HSPA4L: variants seen among roughly 807,000 people sequenced by gnomAD.
HSPA4L encodes the protein heat shock 70 kDa protein 4L.
HSPA4L carries 48 observed loss-of-function variants against 100.3 expected under a neutral mutation model. The ratio of observed to expected loss-of-function variants is 0.48; its 90% CI spans 0.38 to 0.61. The LOEUF (loss-of-function observed/expected upper bound fraction) is 0.61, where lower values mean the gene tolerates loss of function less well. Ranked by LOEUF, HSPA4L falls within the 20% of genes least tolerant of loss-of-function variation. HSPA4L has a pLI of 0.00. For missense variants in HSPA4L, 886 were observed against 988.6 expected (o/e 0.90, Z 1.39); for synonymous variants, 319 against 328.2 (o/e 0.97, Z 0.30).
chr4:127,819,921 T>G (rs1480790333), intron 13 of HSPA4L, among the ~76,000 whole-genome samples: 1 of 152,180 alleles, frequency 6.6e-6, no homozygotes, highest in Non-Finnish European at 1.5e-5. Flanking sequence ...ATGATTGTTA[T>G]GAACAATCAT....
intron 10 of HSPA4L, among the ~76,000 whole-genome samples, chr4:127,807,551 T>C (rs1182759107): frequency 6.6e-6 from 1 of 152,092 alleles, no homozygotes; most frequent in Non-Finnish European, 1.5e-5. Flanking sequence ...GTAAAAGATA[T>C]ACAAGTGTTC....
intron 1 of HSPA4L, among the ~76,000 whole-genome samples, chr4:127,785,082 G>A (rs900575879): frequency 3.3e-5 from 5 of 152,128 alleles, no homozygotes; most frequent in Admixed American, 3.3e-4. Flanking sequence ...AACCAAGAAG[G>A]ACAGTTTAAT....
chr4:127,808,181 G>A, intron 11 of HSPA4L, 52 bp downstream of exon 11: 3 of 1,429,454 alleles, frequency 2.1e-6, no homozygotes, highest in Non-Finnish European at 2.9e-6. Flanking sequence ...TAAATAATGT[G>A]TTATTTTAGA....
chr4:127,804,234 T>G, intron 8 of HSPA4L, 147 bp downstream of exon 8: 1 of 633,996 alleles, frequency 1.6e-6, no homozygotes, highest in Middle Eastern at 3.9e-4. Flanking sequence ...TAACTCATTA[T>G]TCATAAGAGT....
chr4:127,816,788 A>C (rs978792887), intron 12 of HSPA4L, among the ~76,000 whole-genome samples: 11 of 152,236 alleles, frequency 7.2e-5, no homozygotes, highest in African/African-American at 2.4e-4. Context: ...GAAGAGTTGG[A>C]TTCTGAATGT....
At chr4:127,820,063 G>A (rs1456928090) in intron 13 of HSPA4L, among the ~76,000 whole-genome samples, 2 of 152,000 alleles carry the variant, frequency 1.3e-5, no homozygotes, top group Non-Finnish European at 1.5e-5. Flanking sequence ...AACATTTTGA[G>A]GAACTTCCCA....
At chr4:127,803,508 A>T (rs1280487767) in intron 6 of HSPA4L, 121 bp from the exon 7 acceptor site, 2 of 933,516 alleles carry the variant, frequency 2.1e-6, no homozygotes, top group East Asian at 2.7e-5. Context: ...CACCCCTGTG[A>T]TTGGACAAGT....
chr4:127,820,285 C>A, intron 13 of HSPA4L, 143 bp from the exon 14 acceptor site: 1 of 627,424 alleles, frequency 1.6e-6, no homozygotes, highest in Non-Finnish European at 2.4e-6. Context: ...CATACACAGA[C>A]TACAAAATAA....
At position 127,788,784 on chromosome 4, in the gene HSPA4L, C is replaced by T. The variant is rs183049394; in HGVS notation, c.108-5293C>T. Among the ~76,000 whole-genome samples the T allele has an allele frequency of 3.3e-3, 501 of 152,248 alleles. 5 individuals carry two copies. Among genetic ancestry groups the T allele is most frequent in the Non-Finnish European group, 5.9e-3 (398 of 68,012 alleles). On this transcript the variant is annotated intron_variant, in intron 1 of 18. Transcript: ENST00000296464. ...TATCCGACAGTGCATTACAGTACAGCCCCAGTGACCCAACAAAGAATTATC... is the reference window on the plus strand; with the variant it reads ...TATCCGACAGTGCATTACAGTACAGTCCCAGTGACCCAACAAAGAATTATC...
intron 8 of HSPA4L, 113 bp from the exon 9 acceptor site, chr4:127,804,960 T>C: frequency 1.6e-6 from 1 of 618,948 alleles, no homozygotes; most frequent in Non-Finnish European, 2.7e-6. Flanking sequence ...TTTTCTTCCC[T>C]TTTATTTTCT....
Position 127,822,802 on chromosome 4 carries a change from GA to G in HSPA4L, c.1849del (p.Arg617GlufsTer32). Reference protein sequence around the residue: ...KMIMQDKLEKERNDAKNAVEE... With the variant: ...KMIMQDKLEKXRNDAKNAVEE... The stretch of plus-strand genomic sequence containing the variant: ...GATCATGCAAGATAAGTTAGAGAAA[GA>G]AAGAAATGATGCTAAGAATGCCGTT... On this transcript the variant is annotated frameshift_variant, in exon 15 of 19. Coordinates refer to ENST00000296464, the MANE Select transcript of HSPA4L (RefSeq NM_014278.4). LOFTEE classifies it high-confidence loss of function. The G allele has an allele frequency of 6.2e-7, 1 of 1,613,782 alleles. No homozygotes were observed. Among genetic ancestry groups the G allele is most frequent in the Non-Finnish European group, 8.5e-7 (1 of 1,179,842 alleles).
At chr4:127,799,429 C>T (rs939730395) in intron 4 of HSPA4L, among the ~76,000 whole-genome samples, 52 of 152,130 alleles carry the variant, frequency 3.4e-4, no homozygotes, top group African/African-American at 1.3e-3. Flanking sequence ...CCCATTTAAT[C>T]TCAGAAGCAA....
intron 1 of HSPA4L, among the ~76,000 whole-genome samples, chr4:127,793,505 T>C (rs971092891): frequency 6.6e-6 from 1 of 152,224 alleles, no homozygotes; most frequent in African/African-American, 2.4e-5. Context: ...TATTCTGTGC[T>C]TGCTCTGTGT....
chr4:127,787,748 C>T (rs1732757253), intron 1 of HSPA4L, among the ~76,000 whole-genome samples: 2 of 151,818 alleles, frequency 1.3e-5, no homozygotes, highest in African/African-American at 4.8e-5. Flanking sequence ...TATAAAAATT[C>T]AGTGAATACC....
rs1397329159 is a variant in HSPA4L at position 127,838,751 on chromosome 4, A to C, written c.*5877A>C. On this transcript the variant is annotated 3_prime_UTR_variant, in exon 19 of 19. Transcript: ENST00000296464. ...TCCAATTCTAGACTCTTAAATAATC[A>C]CTGTATTTTTCTCAAGTATTTGTTA... The C allele has an allele frequency of 2.0e-5, 3 of 152,084 alleles. No individual in the cohort carries two copies. Among genetic ancestry groups the C allele is most frequent in the Non-Finnish European group, 4.4e-5 (3 of 67,998 alleles). 9.4% of individuals were successfully genotyped at this position (152,084 alleles called of 1,614,324 possible). A position where few individuals can be genotyped will look rare whatever the true frequency, so the allele number is the denominator to read the frequency against.
chr4:127,816,140 G>C (rs986571469), intron 12 of HSPA4L, among the ~76,000 whole-genome samples: 1 of 152,090 alleles, frequency 6.6e-6, no homozygotes, highest in Admixed American at 6.5e-5. Context: ...TGTTTCTTAA[G>C]TGCTTTATGT....
At chr4:127,809,456 AC>A in intron 11 of HSPA4L, 1 of 1,194,212 alleles carries the variant, frequency 8.4e-7, no homozygotes, top group South Asian at 1.2e-5. Flanking sequence ...TTCCTGTTTT[AC>A]CTCGCCTTGA....
At chr4:127,814,275 A>C (rs1254343414) in intron 12 of HSPA4L, among the ~76,000 whole-genome samples, 3 of 152,242 alleles carry the variant, frequency 2.0e-5, no homozygotes, top group Non-Finnish European at 4.4e-5. Context: ...TTCCCATACA[A>C]GGAATTTCTA....
intron 12 of HSPA4L, chr4:127,813,356 G>A (rs1733591811): frequency 3.4e-6 from 2 of 593,500 alleles, no homozygotes; most frequent in African/African-American, 1.9e-5. Context: ...TCAACCACTA[G>A]ACTTTAAACT....
Sources: gnomAD v4.1 joint callset for allele counts (sites outside exome capture counted in the v4.1 genomes callset) on GRCh38, gnomAD v4.1.1 for gene constraint, MANE v1.5 for transcripts, NCBI Gene and HGNC (gene_info 2026-07-23, HGNC 2026-07-21) for gene names.